The following TCEAL4 variants were observed in gnomAD, a reference collection of about 807,000 sequenced individuals.
The protein encoded by TCEAL4 is transcription elongation factor A protein-like 4.
In TCEAL4, 1 loss-of-function variant was observed where a neutral mutation model predicts 1.3. That is an observed-to-expected ratio of 0.79 (90% confidence interval 0.28 to 3.76). The LOEUF is 3.76. Among genes scored for constraint, TCEAL4 ranks in the 30% most tolerant of loss-of-function variants. The pLI is 0.18. For synonymous variants in TCEAL4, 54 were observed against 50.7 expected, an observed-to-expected ratio of 1.06 and a Z score of -0.28; for missense variants, 129 against 154.7, an observed-to-expected ratio of 0.83 and a Z score of 0.88.
rs767622680 is a variant in TCEAL4 at position 103,587,481 on chromosome X, G to A, written c.*158G>A. ...GTTACATGGAAAAAATGTTGATGGT[G>A]CATTGTAAAATTAAAAAACACAACT... On this transcript the variant is annotated 3_prime_UTR_variant, in exon 3 of 3. Coordinates refer to ENST00000472484, the MANE Select transcript of TCEAL4 (RefSeq NM_001006935.3). 33 of 644,712 alleles carry A rather than the reference G, an allele frequency of 5.1e-5. No homozygotes were observed. In the African/African-American group the frequency reaches 7.3e-4, roughly 14 times the overall value. 53.1% of individuals were successfully genotyped at this position (644,712 alleles called of 1,213,427 possible). A position where few individuals can be genotyped will look rare whatever the true frequency, so the allele number is the denominator to read the frequency against.
upstream of TCEAL4, among the ~76,000 whole-genome samples, chrX:103,582,003 C>G (rs368090754): frequency 9.5e-4 from 107 of 112,249 alleles, no homozygotes; most frequent in African/African-American, 3.2e-3. Context: ...ACGCCATTGT[C>G]TAAGCCCAAA....
chrX:103,581,542 T>C (rs374102818), upstream of TCEAL4, among the ~76,000 whole-genome samples: 12 of 111,028 alleles, frequency 1.1e-4, no homozygotes, highest in African/African-American at 3.9e-4. Context: ...AGCTTATCCA[T>C]CACGATCAAG....
exon 1 of TCEAL4, chrX:103,576,453 A>G (rs1008493365): frequency 1.0e-4 from 122 of 1,164,682 alleles, no homozygotes; most frequent in Non-Finnish European, 1.3e-4. Context: ...TGGGACTCTC[A>G]TGATGCTGAG....
chrX:103,579,764 G>A (rs371090602), intron 2 of TCEAL4, among the ~76,000 whole-genome samples: 40 of 111,669 alleles, frequency 3.6e-4, no homozygotes, highest in African/African-American at 1.3e-3. Flanking sequence ...TTTATTTCAT[G>A]TCTCTTGCCC....
At chrX:103,584,107 T>A (rs1228929184), upstream of TCEAL4, among the ~76,000 whole-genome samples, 2 of 110,249 alleles carry the variant, frequency 1.8e-5, no homozygotes, top group Admixed American at 9.6e-5. Context: ...TTGGTATTTT[T>A]AGTAGAGATG....
chrX:103,585,468 G>T, upstream of TCEAL4: 1 of 1,086,104 alleles, frequency 9.2e-7, no homozygotes, highest in Non-Finnish European at 1.2e-6. Flanking sequence ...GCTAGGAGGC[G>T]GGGCGTGGGG....
Position 103,586,288 on chromosome X carries a change from G to A in TCEAL4, c.-31G>A, listed in dbSNP as rs187636747. ...GAGGAGCAACCTGTCCAGAATCCCC[G>A]CAGGTCCGTGAAAGTACGGGGCTGC... On this transcript the variant is annotated 5_prime_UTR_variant, in exon 2 of 3. Coordinates refer to ENST00000472484, the MANE Select transcript of TCEAL4 (RefSeq NM_001006935.3). 2 of 1,165,205 alleles carry A rather than the reference G, an allele frequency of 1.7e-6. No homozygotes were observed. Among genetic ancestry groups the A allele is most frequent in the Non-Finnish European group, 2.3e-6 (2 of 872,784 alleles).
At chrX:103,582,870 T>C (rs758237366), upstream of TCEAL4, among the ~76,000 whole-genome samples, 3 of 111,327 alleles carry the variant, frequency 2.7e-5, no homozygotes, top group Non-Finnish European at 5.7e-5. Context: ...AAAGCAACAA[T>C]TGACAAATGA....
chrX:103,585,685 T>G (rs2073535040), intron 1 of TCEAL4, 61 bp downstream of exon 1: 1 of 1,143,807 alleles, frequency 8.7e-7, no homozygotes, highest in Admixed American at 2.7e-5. Context: ...GGGGAACGGG[T>G]ACGGCAGGGG....
At chrX:103,585,255 T>C (rs1215932857), upstream of TCEAL4, among the ~76,000 whole-genome samples, 1 of 111,012 alleles carries the variant, frequency 9.0e-6, no homozygotes, top group African/African-American at 3.3e-5. Context: ...TTTTATCGGG[T>C]GGGTCTACGT....
chrX:103,586,375 T>C, intron 2 of TCEAL4, 84 bp downstream of exon 2: 4 of 1,071,398 alleles, frequency 3.7e-6, no homozygotes, highest in Non-Finnish European at 5.1e-6. Flanking sequence ...AATTGGGGCC[T>C]TTCCCATTCC....
intron 2 of TCEAL4, among the ~76,000 whole-genome samples, chrX:103,579,999 G>T (rs967855898): frequency 1.1e-4 from 12 of 111,606 alleles, no homozygotes; most frequent in Non-Finnish European, 1.7e-4. Flanking sequence ...GGTTAAAATT[G>T]TAGCCTTATA....
At chrX:103,583,679 G>A (rs973853050), upstream of TCEAL4, among the ~76,000 whole-genome samples, 2 of 111,418 alleles carry the variant, frequency 1.8e-5, no homozygotes, top group Non-Finnish European at 3.8e-5. Context: ...CACATGTCAG[G>A]GAACAACACA....
chrX:103,581,655 C>T (rs770224113), upstream of TCEAL4, among the ~76,000 whole-genome samples: 36 of 111,624 alleles, frequency 3.2e-4, no homozygotes, highest in Non-Finnish European at 5.5e-4. Flanking sequence ...ATGATTATCG[C>T]AATAGATGTA....
At chrX:103,577,335 T>C in intron 2 of TCEAL4, 1 of 850,327 alleles carries the variant, frequency 1.2e-6, no homozygotes. Flanking sequence ...TTGGTAACTC[T>C]AAAGAGTAGA....
upstream of TCEAL4, among the ~76,000 whole-genome samples, chrX:103,581,776 A>G (rs2073509387): frequency 8.9e-6 from 1 of 112,021 alleles, no homozygotes; most frequent in Admixed American, 9.5e-5. Context: ...ACAAACCCAC[A>G]GTCAATATCA....
upstream of TCEAL4, among the ~76,000 whole-genome samples, chrX:103,580,660 T>A (rs2073503740): frequency 9.0e-6 from 1 of 111,491 alleles, no homozygotes; most frequent in Non-Finnish European, 1.9e-5. Flanking sequence ...TTTTGCCATG[T>A]TGCCCAGGCT....
At position 103,580,400 on chromosome X, in the gene TCEAL4, G is replaced by A. The variant is rs1603158758; in HGVS notation, c.183+3187G>A. Among the ~76,000 whole-genome samples the A allele has an allele frequency of 2.7e-5, 3 of 111,833 alleles. 1 individual carries two copies. In the Admixed American group the frequency reaches 2.8e-4, roughly 11 times the overall value. ...CTAAGCCAATGGAATCACTATTGTA[G>A]TTATAATACAAACAAAGAATAAGTG... On this transcript the variant is annotated intron_variant, in intron 2 of 4. Transcript: ENST00000372629.
exon 1 of TCEAL4, chrX:103,576,351 CA>C (rs2073483442): frequency 1.1e-6 from 1 of 882,786 alleles, no homozygotes; most frequent in African/African-American, 2.0e-5. Context: ...ATCTTTTATA[CA>C]GGTTATTAAG....
Sources: allele counts gnomAD v4.1 joint callset (sites outside exome capture counted in the v4.1 genomes callset), GRCh38; gene constraint gnomAD v4.1.1; transcripts MANE v1.5; gene names NCBI Gene and HGNC (gene_info 2026-07-23, HGNC 2026-07-21).